Variants in TASP1 observed in about 807,000 individuals in gnomAD.
TASP1 encodes threonine aspartase 1.
In TASP1, 16 loss-of-function variants were observed where a neutral mutation model predicts 56.6. The ratio of observed to expected loss-of-function variants is 0.28; its 90% CI spans 0.19 to 0.43. The LOEUF (loss-of-function observed/expected upper bound fraction) is 0.43, where lower values mean the gene tolerates loss of function less well. Ranked by LOEUF, TASP1 falls within the 20% of genes least tolerant of loss-of-function variation. The probability of loss-of-function intolerance (pLI) is 1.00; values close to 1 mark genes in which losing one functional copy is unlikely to be tolerated. For synonymous variants in TASP1, 179 were observed against 184.2 expected, an observed-to-expected ratio of 0.97 and a Z score of 0.23; for missense variants, 393 against 511.6, an observed-to-expected ratio of 0.77 and a Z score of 2.24.
chr20:13,432,931 C>T (rs1341683395), intron 12 of TASP1, among the ~76,000 whole-genome samples: 1 of 152,010 alleles, frequency 6.6e-6, no homozygotes, highest in Non-Finnish European at 1.5e-5. Context: ...CCCCCCCCAA[C>T]CCACCGCTGC....
the TASP1 span, among the ~76,000 whole-genome samples, chr20:13,353,944 G>C: frequency 6.6e-6 from 1 of 152,040 alleles, no homozygotes; most frequent in South Asian, 2.1e-4. Context: ...AAATCATGTG[G>C]GGTTCAGAAG....
At chr20:13,273,883 G>T in the TASP1 span, among the ~76,000 whole-genome samples, 14 of 152,148 alleles carry the variant, frequency 9.2e-5, no homozygotes, top group African/African-American at 3.4e-4. Context: ...AGGGTGGCCA[G>T]CATTTTATTG....
the TASP1 span, among the ~76,000 whole-genome samples, chr20:13,355,705 G>A: frequency 6.6e-6 from 1 of 152,210 alleles, no homozygotes; most frequent in Non-Finnish European, 1.5e-5. Flanking sequence ...TGCCTTTGGA[G>A]TGCTCCATGG....
the TASP1 span, among the ~76,000 whole-genome samples, chr20:13,248,238 TTTC>T: frequency 1.3e-5 from 2 of 152,202 alleles, no homozygotes; most frequent in African/African-American, 4.8e-5. Context: ...TTTATGAACA[TTTC>T]TTGTTGCTCC....
At chr20:13,221,468 C>T in the TASP1 span, among the ~76,000 whole-genome samples, 11 of 145,564 alleles carry the variant, frequency 7.6e-5, no homozygotes, top group East Asian at 4.1e-4. Flanking sequence ...GTCTCCGTCT[C>T]CGCCGCCGCC....
In TASP1 at chr20:13,392,597, A is replaced by C. The variant is rs543316243; in HGVS notation, c.1171-2145T>G. On this transcript the variant is annotated intron_variant, in intron 13 of 13. Coordinates refer to ENST00000337743, the MANE Select transcript of TASP1 (RefSeq NM_017714.3). ...CCATTCTAGGGCTATGTTTATGTAA[A>C]CATGCAGAATCTTAAGGCACCCTGC... 132 of 359,584 alleles carry C rather than the reference A, an allele frequency of 3.7e-4. 2 individuals are homozygous for C. Among genetic ancestry groups the C allele is most frequent in the South Asian group, 3.0e-3 (129 of 42,940 alleles). 22.3% of individuals were successfully genotyped at this position (359,584 alleles called of 1,614,324 possible).
At chr20:13,584,424 G>C (rs2047230823) in intron 5 of TASP1, among the ~76,000 whole-genome samples, 1 of 151,984 alleles carries the variant, frequency 6.6e-6, no homozygotes, top group African/African-American at 2.4e-5. Flanking sequence ...CCACACAAGA[G>C]GTATGAACAG....
chr20:13,254,006 T>C, the TASP1 span, among the ~76,000 whole-genome samples: 4 of 145,976 alleles, frequency 2.7e-5, no homozygotes, highest in Non-Finnish European at 6.0e-5. Flanking sequence ...TCACTTGAGG[T>C]CAGGAGTTCA....
At chr20:13,119,398 G>A in the TASP1 span, among the ~76,000 whole-genome samples, 1 of 152,158 alleles carries the variant, frequency 6.6e-6, no homozygotes. Flanking sequence ...TCTCTCTCAT[G>A]CTCTCCATTC....
intron 12 of TASP1, among the ~76,000 whole-genome samples, chr20:13,419,668 T>C (rs4814233): frequency 0.53 from 79,953 of 152,030 alleles, 23,156 homozygotes; most frequent in Non-Finnish European, 0.65. Flanking sequence ...TGGAGACAAG[T>C]GTTTGAGTTG....
chr20:13,292,467 A>C, the TASP1 span: 1 of 1,575,246 alleles, frequency 6.3e-7, no homozygotes, highest in Non-Finnish European at 8.6e-7. Flanking sequence ...GAAGTTGGTA[A>C]GATTTTTTTC....
the TASP1 span, among the ~76,000 whole-genome samples, chr20:13,148,756 C>G: frequency 6.6e-6 from 1 of 152,168 alleles, no homozygotes; most frequent in Non-Finnish European, 1.5e-5. Context: ...AGGTCCCATC[C>G]CCAGAGATCC....
rs575415665 is a variant in TASP1, at chr20:13,457,430, C to G, written c.986-22276G>C. Among the ~76,000 whole-genome samples, 21 of 152,076 alleles carry G rather than the reference C, an allele frequency of 1.4e-4. No homozygotes were observed. In the South Asian group the frequency reaches 4.4e-3, roughly 32 times the overall value. On this transcript the variant is annotated intron_variant, in intron 11 of 13. Transcript: ENST00000337743. ...AATAATGCTTTATGCTCAAAAACAA[C>G]TTTTACTTTATAGAATTTTTGTAAG...
intron 4 of TASP1, among the ~76,000 whole-genome samples, chr20:13,590,574 G>A (rs2047486280): frequency 6.6e-6 from 1 of 151,918 alleles, no homozygotes; most frequent in East Asian, 1.9e-4. Flanking sequence ...AAACACAACT[G>A]TAAAAATTTT....
At chr20:13,491,453 T>G (rs1182009150) in intron 10 of TASP1, among the ~76,000 whole-genome samples, 2 of 152,210 alleles carry the variant, frequency 1.3e-5, no homozygotes, top group Non-Finnish European at 2.9e-5. Flanking sequence ...TTCACTTCAC[T>G]TCCCTGTATC....
At chr20:13,462,411 T>TTAAA (rs1462575294) in intron 11 of TASP1, among the ~76,000 whole-genome samples, 1 of 152,182 alleles carries the variant, frequency 6.6e-6, no homozygotes, top group African/African-American at 2.4e-5. Flanking sequence ...GGCTTTTGAC[T>TTAAA]GTTAAAGAAA....
At chr20:13,226,517 T>C in the TASP1 span, among the ~76,000 whole-genome samples, 1 of 152,210 alleles carries the variant, frequency 6.6e-6, no homozygotes, top group Non-Finnish European at 1.5e-5. Context: ...TATTTCTTCA[T>C]GAATTTGTAT....
intron 4 of TASP1, among the ~76,000 whole-genome samples, chr20:13,613,562 G>GA (rs948118997): frequency 1.3e-5 from 2 of 151,702 alleles, no homozygotes; most frequent in African/African-American, 2.4e-5. Context: ...TCCATGTATT[G>GA]AAAAAAAGGC....
At chr20:13,272,852 C>G in the TASP1 span, among the ~76,000 whole-genome samples, 1 of 152,208 alleles carries the variant, frequency 6.6e-6, no homozygotes, top group Non-Finnish European at 1.5e-5. Context: ...TATAGATGTT[C>G]TGGTTCCAGA....
Sources: gnomAD v4.1 joint callset for allele counts (sites outside exome capture counted in the v4.1 genomes callset) on GRCh38, gnomAD v4.1.1 for gene constraint, MANE v1.5 for transcripts, NCBI Gene and HGNC (gene_info 2026-07-23, HGNC 2026-07-21) for gene names.